Variants in PCDHGC3 observed in about 807,000 individuals in gnomAD.
PCDHGC3 encodes the protein protocadherin gamma-C3.
In PCDHGC3, 26 loss-of-function variants were observed where a neutral mutation model predicts 59.2. The ratio of observed to expected loss-of-function variants is 0.44; its 90% CI spans 0.32 to 0.61. The LOEUF (loss-of-function observed/expected upper bound fraction) is 0.61, where lower values mean the gene tolerates loss of function less well. PCDHGC3 is among the 20% of genes least tolerant of loss of function. The pLI, the probability that PCDHGC3 is intolerant of heterozygous loss-of-function variation, is 0.05. For synonymous variants in PCDHGC3, 487 were observed against 519.7 expected (o/e 0.94, Z 0.86); for missense variants, 1,080 against 1,221.8 (o/e 0.88, Z 1.73).
chr5:141,486,598 C>T lies in PCDHGC3; in HGVS notation c.2430+8052C>T. 2 of 1,613,604 alleles carry T rather than the reference C, an allele frequency of 1.2e-6. No homozygotes were observed. Among genetic ancestry groups the T allele is most frequent in the Non-Finnish European group, 1.7e-6 (2 of 1,179,998 alleles). ...ACAATCGCCCAGGGGACCTGCTTTG[C>T]TCCCTTGCAGCCTCTGACCCAGACT... On this transcript the variant is annotated intron_variant, in intron 1 of 3. Transcript: ENST00000308177. The surrounding 1 kb of genome is among the most constrained non-coding windows in gnomAD (Gnocchi z 5.0).
Position 141,490,731 on chromosome 5 carries a change from G to A in PCDHGC3, c.2431-4076G>A, listed in dbSNP as rs139283997. The A allele has an allele frequency of 6.8e-6, 11 of 1,614,080 alleles. No homozygotes were observed. In the African/African-American group the frequency reaches 1.1e-4, roughly 16 times the overall value. Reference sequence around the variant, plus strand: ...TCACCTACTCCATTGTAGGAAATCAGGTTCAGGGAGCCCCAGCCTCCTCCT... The same window carrying A: ...TCACCTACTCCATTGTAGGAAATCAAGTTCAGGGAGCCCCAGCCTCCTCCT... On this transcript the variant is annotated intron_variant, in intron 1 of 3. Transcript: ENST00000308177. The surrounding 1 kb of genome is among the most constrained non-coding windows in gnomAD (Gnocchi z 5.4).
chr5:141,499,408 G>C (rs1178843162), intron 2 of PCDHGC3, among the ~76,000 whole-genome samples: 1 of 151,896 alleles, frequency 6.6e-6, no homozygotes, highest in Non-Finnish European at 1.5e-5. Context: ...GCTCATTATA[G>C]AAACATGAAA....
intron 1 of PCDHGC3, among the ~76,000 whole-genome samples, chr5:141,484,369 G>A (rs1218433750): frequency 6.6e-6 from 1 of 152,164 alleles, no homozygotes; most frequent in Non-Finnish European, 1.5e-5. Flanking sequence ...TGTATCACTA[G>A]CAAATGTCTG....
At position 141,485,968 on chromosome 5, in the gene PCDHGC3, T is replaced by C; in HGVS notation, c.2430+7422T>C. On this transcript the variant is annotated intron_variant, in intron 1 of 3. Coordinates refer to ENST00000308177, the MANE Select transcript of PCDHGC3 (RefSeq NM_002588.4). The surrounding 1 kb of genome is among the most constrained non-coding windows in gnomAD (Gnocchi z 5.7). The stretch of plus-strand genomic sequence containing the variant: ...CGGGCATGGTGCTCATCCAGCTCAA[T>C]GCCTCAGACCCGGACCTGGGTCCCA... 6.2e-7 allele frequency: 1 copy of C among 1,614,216 alleles called. No homozygotes were observed. The highest frequency in any genetic ancestry group is 1.1e-5 in the South Asian group (1 of 91,088).
At chr5:141,510,626 AGGTG>A (rs2099882005) in intron 3 of PCDHGC3, among the ~76,000 whole-genome samples, 1 of 152,144 alleles carries the variant, frequency 6.6e-6, no homozygotes, top group Admixed American at 6.5e-5. Context: ...AAACCAGAAG[AGGTG>A]GTTACCATTA....
chr5:141,502,694 G>A (rs1039264846), intron 2 of PCDHGC3, among the ~76,000 whole-genome samples: 5 of 152,180 alleles, frequency 3.3e-5, no homozygotes, highest in African/African-American at 1.2e-4. Flanking sequence ...ATCCTTGCCT[G>A]TATCTGTTTT....
chr5:141,496,621 C>A (rs1297797187), intron 2 of PCDHGC3, among the ~76,000 whole-genome samples: 1 of 152,214 alleles, frequency 6.6e-6, no homozygotes. Context: ...AGCAGCAGAT[C>A]AAAAGGCTTG....
Position 141,476,477 on chromosome 5 carries a change from G to C in PCDHGC3, c.361G>C (p.Val121Leu). ...GGAGAACCCGCTGGAGCTGTTCAGCGTGGAAGTGGTGATCCAGGACATCAA... is the reference window on the plus strand; with the variant it reads ...GGAGAACCCGCTGGAGCTGTTCAGCCTGGAAGTGGTGATCCAGGACATCAA... ...VVENPLELFS[V>L]EVVIQDINDN... The change falls in exon 1 of 4, where the codon GTG becomes CTG. Residue 121 changes from valine to leucine, a missense_variant. Physicochemically the swap from Val to Leu is conservative, Grantham distance 32. Coordinates refer to ENST00000308177, the MANE Select transcript of PCDHGC3 (RefSeq NM_002588.4). The surrounding 1 kb of genome is among the most constrained non-coding windows in gnomAD (Gnocchi z 7.6). The C allele has an allele frequency of 5.0e-6, 8 of 1,614,078 alleles. No homozygotes were observed. Among genetic ancestry groups the C allele is most frequent in the Non-Finnish European group, 6.8e-6 (8 of 1,180,018 alleles).
chr5:141,480,970 A>C (rs1189003084), intron 1 of PCDHGC3, among the ~76,000 whole-genome samples: 1 of 152,120 alleles, frequency 6.6e-6, no homozygotes, highest in Non-Finnish European at 1.5e-5. Flanking sequence ...AGTGAGGGAG[A>C]ATCAGTGAAC....
At chr5:141,481,822 G>A (rs1017311512) in intron 1 of PCDHGC3, among the ~76,000 whole-genome samples, 12 of 151,620 alleles carry the variant, frequency 7.9e-5, no homozygotes, top group Non-Finnish European at 1.5e-4. Context: ...CGTGGTGGCT[G>A]AGGCAGGAGA....
At position 141,478,106 on chromosome 5, in the gene PCDHGC3, G is replaced by A. The variant is rs1474192496; in HGVS notation, c.1990G>A (p.Val664Met). Residue 664 changes from valine (V) to methionine (M), a missense_variant, in exon 1 of 4, where the codon GTG (valine) becomes ATG (methionine). Physicochemically the swap from Val to Met is conservative, Grantham distance 21 (BLOSUM62 1). Coordinates refer to ENST00000308177, the MANE Select transcript of PCDHGC3 (RefSeq NM_002588.4). ...GCTCTCCACCACTGCTACCCTCACT[G>A]TGTCAGTAACCGAGGACTCTCCTGA... ...PSLSTTATLT[V>M]SVTEDSPEAR... 1 of 1,613,928 alleles carries A rather than the reference G, an allele frequency of 6.2e-7. No individual in the cohort carries two copies. Among genetic ancestry groups the A allele is most frequent in the Non-Finnish European group, 8.5e-7 (1 of 1,180,034 alleles).
chr5:141,497,596 G>C (rs920597006), intron 2 of PCDHGC3, among the ~76,000 whole-genome samples: 1 of 149,648 alleles, frequency 6.7e-6, no homozygotes, highest in Admixed American at 6.7e-5. Context: ...CTGGAGTGCA[G>C]TGGTGCGATC....
At chr5:141,496,693 C>T (rs2099770546) in intron 2 of PCDHGC3, among the ~76,000 whole-genome samples, 1 of 152,164 alleles carries the variant, frequency 6.6e-6, no homozygotes, top group South Asian at 2.1e-4. Context: ...CCTTGCCAAC[C>T]TTCTCATAAG....
chr5:141,509,513 T>C (rs2099877131), intron 3 of PCDHGC3, among the ~76,000 whole-genome samples: 2 of 152,068 alleles, frequency 1.3e-5, no homozygotes, highest in Non-Finnish European at 2.9e-5. Flanking sequence ...ACGGTGTTGA[T>C]GATGTATTGC....
intron 1 of PCDHGC3, among the ~76,000 whole-genome samples, chr5:141,479,050 C>T (rs1484021560): frequency 6.6e-6 from 1 of 152,164 alleles, no homozygotes; most frequent in African/African-American, 2.4e-5. Context: ...ACCTCATTCT[C>T]AGATAATTTT....
chr5:141,494,901 G>C, intron 2 of PCDHGC3, 36 bp downstream of exon 2: 1 of 1,614,050 alleles, frequency 6.2e-7, no homozygotes, highest in Non-Finnish European at 8.5e-7. Context: ...CCTCTTCTCT[G>C]CGGCATTTTC....
In PCDHGC3 at chr5:141,485,578, G is replaced by A; in HGVS notation, c.2430+7032G>A. ...ATGATCACGCCCCCCGTTTTCCGCG[G>A]CAGCAGCTGGACTTGGAAATTGGGG... is the stretch of plus-strand genomic sequence containing the variant. On this transcript the variant is annotated intron_variant, in intron 1 of 3. Transcript: ENST00000308177. This position sits in a 1 kb window ranked among gnomAD's most constrained non-coding sequence, Gnocchi z 5.7. 6.2e-7 allele frequency: 1 copy of A among 1,612,362 alleles called. No homozygotes were observed. Among genetic ancestry groups the A allele is most frequent in the Non-Finnish European group, 8.5e-7 (1 of 1,178,688 alleles).
At position 141,477,137 on chromosome 5, in the gene PCDHGC3, G is replaced by A; in HGVS notation, c.1021G>A (p.Glu341Lys). 1 of 1,614,200 alleles carries A rather than the reference G, an allele frequency of 6.2e-7. No individual in the cohort carries two copies. The highest frequency in any genetic ancestry group is 8.5e-7 in the Non-Finnish European group (1 of 1,180,050). Residue 341 changes from glutamate to lysine, a missense_variant, in exon 1 of 4, where the codon GAG becomes AAG. Coordinates refer to ENST00000308177, the MANE Select transcript of PCDHGC3 (RefSeq NM_002588.4). The surrounding 1 kb of genome is among the most constrained non-coding windows in gnomAD (Gnocchi z 4.9). ...AGGAGCACATTGCAAAGTGTTGGTG[G>A]AGGTTGTGGATGTGAATGACAACGC... ...PEGAHCKVLV[E>K]VVDVNDNAPE...
chr5:141,497,793 G>A (rs2099779480), intron 2 of PCDHGC3, among the ~76,000 whole-genome samples: 1 of 152,180 alleles, frequency 6.6e-6, no homozygotes, highest in Admixed American at 6.5e-5. Flanking sequence ...ACCTGCTTCA[G>A]CTTCCCAAAG....
Sources: allele counts gnomAD v4.1 joint callset (sites outside exome capture counted in the v4.1 genomes callset), GRCh38; gene constraint gnomAD v4.1.1; non-coding constraint Gnocchi (gnomAD v3.1); transcripts MANE v1.5; gene names NCBI Gene and HGNC (gene_info 2026-07-23, HGNC 2026-07-21).